SCN7A: variants seen among roughly 807,000 people sequenced by gnomAD.
The protein encoded by SCN7A is sodium channel protein type 7 subunit alpha.
In SCN7A, 138 loss-of-function variants were observed where a neutral mutation model predicts 155.2. The ratio of observed to expected loss-of-function variants is 0.89; its 90% CI spans 0.77 to 1.02. SCN7A has a LOEUF of 1.02. Among genes scored for constraint, SCN7A ranks in the 50% least tolerant of loss-of-function variants. The pLI, the probability that SCN7A is intolerant of heterozygous loss-of-function variation, is 0.00. For synonymous variants in SCN7A, 693 were observed against 649.0 expected (o/e 1.07, Z -1.03); for missense variants, 2,058 against 1,986.6 (o/e 1.04, Z -0.68).
At chr2:166,433,519 T>A (rs1701776211) in intron 15 of SCN7A, among the ~76,000 whole-genome samples, 1 of 152,096 alleles carries the variant, frequency 6.6e-6, no homozygotes, top group Admixed American at 6.6e-5. Flanking sequence ...CTTTTACAGA[T>A]GAAAAAGGCA....
At chr2:166,439,400 T>G (rs994821071) in intron 15 of SCN7A, among the ~76,000 whole-genome samples, 1 of 152,058 alleles carries the variant, frequency 6.6e-6, no homozygotes, top group Non-Finnish European at 1.5e-5. Flanking sequence ...AATTCTTTCC[T>G]CTATTAGACT....
In SCN7A at chr2:166,416,903, C is replaced by A. The variant is rs1300314333; in HGVS notation, c.3218G>T (p.Ser1073Ile). ...LVCLMIWLIFSIMGVDLFAGR... is the reference protein window; with the variant it reads ...LVCLMIWLIFIIMGVDLFAGR... Reference sequence around the variant, plus strand: ...AGCAAATAAGTCTACTCCCATGATACTAAAAATCAGCCAGATCATCAGGCA... The same window carrying A: ...AGCAAATAAGTCTACTCCCATGATAATAAAAATCAGCCAGATCATCAGGCA... The change falls in exon 21 of 26, where the codon AGT becomes ATT. Residue 1073 changes from serine (S) to isoleucine (I), a missense_variant. Ser to Ile is a moderately radical substitution (Grantham distance 142). Coordinates refer to ENST00000643258, the MANE Select transcript of SCN7A (RefSeq NM_002976.4). The A allele has an allele frequency of 1.2e-6, 2 of 1,612,990 alleles. No homozygotes were observed. The highest frequency in any genetic ancestry group is 3.3e-5 in the Admixed American group (2 of 59,944).
rs185624184 is a variant in SCN7A at position 166,491,551 on chromosome 2, C to A, written c.-128+2417G>T. The stretch of plus-strand genomic sequence containing the variant: ...ACCAACTCAAAAATAACCTCTGAAG[C>A]CCTCAGATGAAATCTTATCTTTAAC... On this transcript the variant is annotated intron_variant, in intron 1 of 25. Coordinates refer to ENST00000643258, the MANE Select transcript of SCN7A (RefSeq NM_002976.4). 3.9e-5 allele frequency among the ~76,000 whole-genome samples: 6 copies of A among 152,228 alleles called. No individual in the cohort carries two copies. In the East Asian group the frequency reaches 1.2e-3, roughly 29 times the overall value.
intron 15 of SCN7A, among the ~76,000 whole-genome samples, chr2:166,436,180 T>A (rs1414435310): frequency 6.6e-6 from 1 of 152,170 alleles, no homozygotes; most frequent in Non-Finnish European, 1.5e-5. Context: ...TTGTCTTTGC[T>A]CCCATCCAAA....
In SCN7A at chr2:166,406,176, G is replaced by A; in HGVS notation, c.4453C>T (p.Leu1485=). Reference sequence around the variant, plus strand: ...ACAATGTACATATTTACAATGATCAGCCATGATATGAGGATATAACTGACA... The same window carrying A: ...ACAATGTACATATTTACAATGATCAACCATGATATGAGGATATAACTGACA... The part of the protein sequence containing the change: ...YFVSYILISW[L]IIVNMYIVVV... The change falls in exon 26 of 26, where the codon CTG becomes TTG. Residue 1485 remains leucine (L), a synonymous_variant. Transcript: ENST00000643258. The A allele has an allele frequency of 6.2e-7, 1 of 1,612,452 alleles. No homozygotes were observed. The highest frequency in any genetic ancestry group is 2.2e-5 in the East Asian group (1 of 44,816).
At chr2:166,453,008 C>T (rs542829442) in intron 11 of SCN7A, among the ~76,000 whole-genome samples, 88 of 152,168 alleles carry the variant, frequency 5.8e-4, no homozygotes, top group Admixed American at 4.8e-3. Context: ...AACAGCCATG[C>T]GTTCTTGTGT....
In SCN7A at chr2:166,465,865, A is replaced by C. The variant is rs1291216497; in HGVS notation, c.787T>G (p.Leu263Val). The change falls in exon 8 of 26, where the codon TTG (leucine) becomes GTG (valine). Residue 263 changes from leucine (L) to valine (V), a missense_variant. By Grantham distance (32) the Leu-to-Val change is conservative. Coordinates refer to ENST00000643258, the MANE Select transcript of SCN7A (RefSeq NM_002976.4). The stretch of plus-strand genomic sequence containing the variant: ...GGCCATCGAAAACATTTATGTTTCA[A>C]GTTGCCCATGAAGAGCCCCATCCCA... ...LIGMGLFMGN[L>V]KHKCFRWPQE... 6.2e-7 allele frequency: 1 copy of C among 1,613,802 alleles called. No individual in the cohort carries two copies. The highest frequency in any genetic ancestry group is 1.3e-5 in the African/African-American group (1 of 74,926).
rs1040527809 is a variant in SCN7A at position 166,434,223 on chromosome 2, CTCTA to C, written c.2158-1475_2158-1472del. ...ATCCTAATGGGTTACATTTACTTCT[CTCTA>C]TCTAGATCTTCCTATTTCTTAGGAA... On this transcript the variant is annotated intron_variant, in intron 15 of 25. Coordinates refer to ENST00000643258, the MANE Select transcript of SCN7A (RefSeq NM_002976.4). 6.0e-4 allele frequency among the ~76,000 whole-genome samples: 92 copies of C among 152,162 alleles called. 1 individual carries two copies. Among genetic ancestry groups the C allele is most frequent in the African/African-American group, 2.1e-3 (86 of 41,552 alleles).
intron 11 of SCN7A, among the ~76,000 whole-genome samples, chr2:166,449,816 A>G (rs1345544069): frequency 6.6e-6 from 1 of 152,154 alleles, no homozygotes; most frequent in Non-Finnish European, 1.5e-5. Context: ...AACAAAAACA[A>G]AACAGATGTT....
At chr2:166,453,357 A>T (rs887453297) in intron 11 of SCN7A, among the ~76,000 whole-genome samples, 3 of 152,212 alleles carry the variant, frequency 2.0e-5, no homozygotes, top group African/African-American at 7.2e-5. Context: ...AGTTTATTCA[A>T]TCTGACTTTT....
rs748470492 is a variant in SCN7A, at chr2:166,406,289, T to G, written c.4340A>C (p.Lys1447Thr). Residue 1447 changes from lysine to threonine, a missense_variant, in exon 26 of 26, where the codon AAA (lysine) becomes ACA (threonine). Physicochemically the swap from Lys to Thr is moderately conservative, Grantham distance 78. Transcript: ENST00000643258. Reference protein sequence around the residue: ...DGMLDAIFNSKWSDCDPDKIN... With the variant: ...DGMLDAIFNSTWSDCDPDKIN... Reference sequence around the variant, plus strand: ...TTTATCAGGATCACAGTCAGACCATTTACTGTTGAAAATTGCATCAAGCAT... The same window carrying G: ...TTTATCAGGATCACAGTCAGACCATGTACTGTTGAAAATTGCATCAAGCAT... 2.1e-4 allele frequency: 334 copies of G among 1,613,012 alleles called. No individual in the cohort carries two copies. Among genetic ancestry groups the G allele is most frequent in the Non-Finnish European group, 2.7e-4 (316 of 1,179,456 alleles).
chr2:166,469,520 C>G (rs751492018), intron 7 of SCN7A, among the ~76,000 whole-genome samples: 10 of 151,476 alleles, frequency 6.6e-5, no homozygotes, highest in Non-Finnish European at 1.3e-4. Context: ...TTCATACACT[C>G]CATATTGCTG....
In SCN7A at chr2:166,421,258, G is replaced by A. The variant is rs1272735616; in HGVS notation, c.3067C>T (p.Leu1023=). 1 of 1,534,048 alleles carries A rather than the reference G, an allele frequency of 6.5e-7. No homozygotes were observed. Among genetic ancestry groups the A allele is most frequent in the Non-Finnish European group, 8.8e-7 (1 of 1,140,986 alleles). Residue 1023 remains leucine (L), a synonymous_variant, in exon 20 of 26, where the codon CTA becomes TTA. Coordinates refer to ENST00000643258, the MANE Select transcript of SCN7A (RefSeq NM_002976.4). ...AATTTCATGGAAATAAGAGGTTTTA[G>A]TTCTTCCCGAGTTTTGCCTATTAAG... is the stretch of plus-strand genomic sequence containing the variant. ...LSLIGKTREE[L]KPLISMKFLR...
rs908837523 is a variant in SCN7A at position 166,489,218 on chromosome 2, T to C, written c.-127-2250A>G. Among the ~76,000 whole-genome samples the C allele has an allele frequency of 4.6e-5, 7 of 152,174 alleles. 1 individual carries two copies. The highest frequency in any genetic ancestry group is 1.7e-4 in the African/African-American group (7 of 41,446). On this transcript the variant is annotated intron_variant, in intron 1 of 25. Coordinates refer to ENST00000643258, the MANE Select transcript of SCN7A (RefSeq NM_002976.4). The stretch of plus-strand genomic sequence containing the variant: ...CACCAAATCAGTTACTAAGTGAAAA[T>C]GTAAAGTTGAGAACAACTTGCATCA...
chr2:166,408,073 C>G (rs1701115265), intron 25 of SCN7A, among the ~76,000 whole-genome samples: 1 of 151,940 alleles, frequency 6.6e-6, no homozygotes, highest in Non-Finnish European at 1.5e-5. Context: ...ATACAGGGAG[C>G]TCATTCTTCC....
chr2:166,477,850 T>C (rs1037852457), intron 2 of SCN7A, 140 bp from the exon 3 acceptor site: 26 of 499,728 alleles, frequency 5.2e-5, no homozygotes, highest in Admixed American at 4.9e-4. Flanking sequence ...AAATCTAAGT[T>C]GTCCTGAGTT....
intron 1 of SCN7A, among the ~76,000 whole-genome samples, chr2:166,493,416 T>A (rs1032419994): frequency 5.3e-5 from 8 of 152,124 alleles, no homozygotes; most frequent in Non-Finnish European, 8.8e-5. Flanking sequence ...AGCAAAACAA[T>A]GCAAAAACAA....
rs754302537 is a variant in SCN7A, at chr2:166,462,448, C to A, written c.1024G>T (p.Ala342Ser). 1 of 1,612,250 alleles carries A rather than the reference C, an allele frequency of 6.2e-7. No homozygotes were observed. The highest frequency in any genetic ancestry group is 1.1e-5 in the South Asian group (1 of 90,564). Residue 342 changes from alanine to serine, a missense_variant, in exon 10 of 26, where the codon GCC (alanine) becomes TCC (serine). By Grantham distance (99) the Ala-to-Ser change is moderately conservative. Transcript: ENST00000643258. The stretch of plus-strand genomic sequence containing the variant: ...ATTAACCGAAATAGGGCAAATAAGG[C>A]CCAGCCAAAACTGTCAAAATTTGTG... ...GFTNFDSFGW[A>S]LFALFRLMAQ...
chr2:166,405,423 TA>T lies in SCN7A; in HGVS notation c.*156del. ...TCTCTTGATTTGTTAGATATAATGC[TA>T]AAAAGTGAATTTGGCATGAAGTCTT... On this transcript the variant is annotated 3_prime_UTR_variant, in exon 26 of 26. Transcript: ENST00000643258. 1.7e-6 allele frequency: 1 copy of T among 600,992 alleles called. No homozygotes were observed. The highest frequency in any genetic ancestry group is 2.4e-5 in the South Asian group (1 of 42,504). 37.2% of individuals were successfully genotyped at this position (600,992 alleles called of 1,614,324 possible).
Sources: gnomAD v4.1 joint callset for allele counts (sites outside exome capture counted in the v4.1 genomes callset) on GRCh38, gnomAD v4.1.1 for gene constraint, MANE v1.5 for transcripts, NCBI Gene and HGNC (gene_info 2026-07-23, HGNC 2026-07-21) for gene names.